Variants in RTTN observed in about 807,000 individuals in gnomAD.
RTTN encodes rotatin.
In RTTN, 182 loss-of-function variants were observed where a neutral mutation model predicts 269.2. The observed-to-expected ratio is 0.68, with a 90% CI of 0.60 to 0.76. The LOEUF is 0.76. Ranked by LOEUF, RTTN falls within the 30% of genes least tolerant of loss-of-function variation. RTTN has a pLI of 0.00. For missense variants in RTTN, 2,545 were observed against 2,608.6 expected (o/e 0.98, Z 0.53); for synonymous variants, 1,006 against 963.5 (o/e 1.04, Z -0.82).
intron 28 of RTTN, among the ~76,000 whole-genome samples, chr18:70,102,606 C>T (rs1374169845): frequency 6.6e-6 from 1 of 152,092 alleles, no homozygotes; most frequent in African/African-American, 2.4e-5. Flanking sequence ...GAATTCAATC[C>T]TGTCATCATG....
intron 40 of RTTN, among the ~76,000 whole-genome samples, chr18:70,047,009 T>C (rs970249380): frequency 6.6e-6 from 1 of 152,172 alleles, no homozygotes; most frequent in Non-Finnish European, 1.5e-5. Context: ...ATACCAGAAA[T>C]ATCTGCATGA....
intron 40 of RTTN, among the ~76,000 whole-genome samples, chr18:70,042,618 C>T (rs1033384600): frequency 3.3e-5 from 5 of 151,846 alleles, no homozygotes; most frequent in East Asian, 1.9e-4. Context: ...CCTCGTGATC[C>T]GCCCGCCTCA....
rs1159036302 is a variant in RTTN at position 70,012,491 on chromosome 18, T to TCTGCTCACTGGTATTGGTTACAGGGCAGC, written c.6421+4915_6421+4916insGCTGCCCTGTAACCAATACCAGTGAGCAG. Among the ~76,000 whole-genome samples the TCTGCTCACTGGTATTGGTTACAGGGCAGC allele has an allele frequency of 1.0e-3, 146 of 142,440 alleles. 2 individuals are homozygous for TCTGCTCACTGGTATTGGTTACAGGGCAGC. Among genetic ancestry groups the TCTGCTCACTGGTATTGGTTACAGGGCAGC allele is most frequent in the Non-Finnish European group, 1.5e-3 (96 of 64,780 alleles). The allele number at this position is 142,440 out of a possible 152,430, so 93.4% of individuals were successfully genotyped here. On this transcript the variant is annotated intron_variant, in intron 46 of 48. Coordinates refer to ENST00000640769, the MANE Select transcript of RTTN (RefSeq NM_173630.4). Reference sequence around the variant, plus strand: ...CTCACTGGTATTGGTTACAGGGCAGTGTCTGCTCACTGGTATTGGTTACAG... The same window carrying TCTGCTCACTGGTATTGGTTACAGGGCAGC: ...CTCACTGGTATTGGTTACAGGGCAGTCTGCTCACTGGTATTGGTTACAGGGCAGCGTCTGCTCACTGGTATTGGTTACAG...
intron 8 of RTTN, 75 bp downstream of exon 8, chr18:70,193,213 A>ATT: frequency 8.1e-7 from 1 of 1,229,060 alleles, no homozygotes; most frequent in South Asian, 1.5e-5. Context: ...AAAAATAATT[A>ATT]TCTCCTTCTG....
At chr18:70,030,267 T>TA (rs1241723169) in intron 41 of RTTN, among the ~76,000 whole-genome samples, 158 bp from the exon 42 acceptor site, 1 of 152,192 alleles carries the variant, frequency 6.6e-6, no homozygotes, top group Non-Finnish European at 1.5e-5. Flanking sequence ...AGAGGGGGGA[T>TA]AAGTAAGAGA....
chr18:70,146,871 T>C (rs2060407800), intron 17 of RTTN, among the ~76,000 whole-genome samples: 1 of 152,178 alleles, frequency 6.6e-6, no homozygotes, highest in African/African-American at 2.4e-5. Context: ...TGATATCATC[T>C]CCAGAGGACT....
At chr18:70,069,409 T>G (rs1599377259) in intron 34 of RTTN, among the ~76,000 whole-genome samples, 2 of 152,062 alleles carry the variant, frequency 1.3e-5, no homozygotes, top group Non-Finnish European at 2.9e-5. Context: ...CTGAAAAAAA[T>G]TGTTCTTCAG....
Position 70,188,221 on chromosome 18 carries a change from T to C in RTTN, c.1192A>G (p.Ser398Gly). Residue 398 changes from serine (S) to glycine (G), a missense_variant and splice_region_variant, in exon 10 of 49, where the codon AGC (serine) becomes GGC (glycine). Ser to Gly is a moderately conservative substitution (Grantham distance 56). Coordinates refer to ENST00000640769, the MANE Select transcript of RTTN (RefSeq NM_173630.4). Reference protein sequence around the residue: ...ESAVPLLRTGSRQVIIRVLEL... With the variant: ...ESAVPLLRTGGRQVIIRVLEL... ...AGAACTCTTATTATCACTTGTCTGCTACCTAGGAATACAAACAGAAAAAAG... is the reference window on the plus strand; with the variant it reads ...AGAACTCTTATTATCACTTGTCTGCCACCTAGGAATACAAACAGAAAAAAG... 6.5e-7 allele frequency: 1 copy of C among 1,532,148 alleles called. No homozygotes were observed. Among genetic ancestry groups the C allele is most frequent in the Non-Finnish European group, 9.0e-7 (1 of 1,109,020 alleles). The allele number at this position is 1,532,148 out of a possible 1,614,324, so 94.9% of individuals were successfully genotyped here.
chr18:70,036,588 T>C (rs2057179026), intron 40 of RTTN, among the ~76,000 whole-genome samples: 1 of 152,018 alleles, frequency 6.6e-6, no homozygotes, highest in African/African-American at 2.4e-5. Context: ...AAAATAACTA[T>C]TGGGTACCAG....
intron 14 of RTTN, 115 bp from the exon 15 acceptor site, chr18:70,150,848 T>G: frequency 1.4e-6 from 1 of 725,480 alleles, no homozygotes; most frequent in South Asian, 2.2e-5. Flanking sequence ...TCATTGAAAC[T>G]TTTTTTAACA....
At chr18:70,201,247 G>A (rs1266066734) in intron 4 of RTTN, among the ~76,000 whole-genome samples, 1 of 152,170 alleles carries the variant, frequency 6.6e-6, no homozygotes, top group East Asian at 1.9e-4. Flanking sequence ...GATAGATGGT[G>A]CCATCGTTAA....
At chr18:70,102,032 G>A (rs7227656) in intron 28 of RTTN, among the ~76,000 whole-genome samples, 5,158 of 152,264 alleles carry the variant, frequency 0.034, 299 homozygotes, top group African/African-American at 0.12. Flanking sequence ...GTGATGTGGT[G>A]CTGAGAAGAA....
In RTTN at chr18:70,190,623, G is replaced by A; in HGVS notation, c.1104C>T (p.Asp368=). The A allele has an allele frequency of 6.2e-7, 1 of 1,613,648 alleles. No individual in the cohort carries two copies. The highest frequency in any genetic ancestry group is 8.5e-7 in the Non-Finnish European group (1 of 1,179,564). The change falls in exon 9 of 49, where the codon GAC becomes GAT. Residue 368 remains aspartate (D), a synonymous_variant. Transcript: ENST00000640769. ...HIDLPELETE[D]TLELQFQQLS... Reference sequence around the variant, plus strand: ...GCTGCTGGAATTGTAGTTCCAATGTGTCTTCAGTTTCCAGCTCTGGCAGAT... The same window carrying A: ...GCTGCTGGAATTGTAGTTCCAATGTATCTTCAGTTTCCAGCTCTGGCAGAT...
intron 17 of RTTN, among the ~76,000 whole-genome samples, chr18:70,146,909 C>G (rs1302212608): frequency 6.6e-6 from 1 of 152,216 alleles, no homozygotes; most frequent in Non-Finnish European, 1.5e-5. Context: ...TTCTCCCTCT[C>G]CATTTCCTGA....
intron 32 of RTTN, among the ~76,000 whole-genome samples, chr18:70,083,361 C>A (rs1310188453): frequency 1.3e-5 from 2 of 152,118 alleles, no homozygotes; most frequent in Non-Finnish European, 2.9e-5. Context: ...ATGTTTTGCA[C>A]ATTTTAATGA....
At chr18:70,127,459 C>T in intron 25 of RTTN, 43 bp downstream of exon 25, 1 of 1,600,366 alleles carries the variant, frequency 6.2e-7, no homozygotes, top group Admixed American at 1.7e-5. Context: ...CAATACAATG[C>T]AATCCAGGTC....
intron 10 of RTTN, among the ~76,000 whole-genome samples, chr18:70,186,069 C>T (rs1476551628): frequency 6.8e-6 from 1 of 146,784 alleles, no homozygotes; most frequent in Non-Finnish European, 1.5e-5. Flanking sequence ...ATCAGAATGC[C>T]CTCTCCCCCC....
chr18:70,113,494 C>A (rs1041145824), intron 27 of RTTN, among the ~76,000 whole-genome samples: 6 of 152,100 alleles, frequency 3.9e-5, no homozygotes, highest in African/African-American at 1.2e-4. Flanking sequence ...AAAAGTCAAA[C>A]ATAGAGTTAC....
At chr18:70,125,745 C>G (rs2059848645) in intron 25 of RTTN, among the ~76,000 whole-genome samples, 1 of 151,950 alleles carries the variant, frequency 6.6e-6, no homozygotes. Context: ...ACCCTTTAAG[C>G]TGTTGGTTCA....
Sources: gnomAD v4.1 joint callset for allele counts (sites outside exome capture counted in the v4.1 genomes callset) on GRCh38, gnomAD v4.1.1 for gene constraint, MANE v1.5 for transcripts, NCBI Gene and HGNC (gene_info 2026-07-23, HGNC 2026-07-21) for gene names.